The following ZNF862 variants were observed in gnomAD, a reference collection of about 807,000 sequenced individuals.
The protein encoded by ZNF862 is zinc finger protein 862.
ZNF862 carries 64 observed loss-of-function variants against 91.1 expected under a neutral mutation model. That is an observed-to-expected ratio of 0.70 (90% CI 0.57 to 0.87). The LOEUF is 0.87. Among genes scored for constraint, ZNF862 ranks in the 40% least tolerant of loss-of-function variants. The probability of loss-of-function intolerance (pLI) is 0.00; values close to 1 mark genes in which losing one functional copy is unlikely to be tolerated. For missense variants in ZNF862, 1,459 were observed against 1,528.0 expected (o/e 0.95, Z 0.75); for synonymous variants, 631 against 618.1 (o/e 1.02, Z -0.31).
chr7:149,861,880 T>G lies in ZNF862; in HGVS notation c.2720T>G (p.Leu907Trp), dbSNP rs1563127304. 1 of 1,613,512 alleles carries G rather than the reference T, an allele frequency of 6.2e-7. No homozygotes were observed. The highest frequency in any genetic ancestry group is 8.5e-7 in the Non-Finnish European group (1 of 1,179,882). The change falls in exon 7 of 8, where the codon TTG becomes TGG. Residue 907 changes from leucine to tryptophan, a missense_variant. By Grantham distance (61) the Leu-to-Trp change is moderately conservative. Transcript: ENST00000223210. This position sits in a 1 kb window ranked among gnomAD's most constrained non-coding sequence, Gnocchi z 6.7. ...GATGGGCGGCTCCACGGCATCTGCT[T>G]GGACAAACTGGAGGTAGCGGAACAG... is the stretch of plus-strand genomic sequence containing the variant. Reference protein sequence around the residue: ...FKDGRLHGICLDKLEVAEQRF... With the variant: ...FKDGRLHGICWDKLEVAEQRF...
intron 3 of ZNF862, 56 bp downstream of exon 3, chr7:149,846,311 A>C: frequency 1.4e-6 from 2 of 1,396,674 alleles, no homozygotes; most frequent in Admixed American, 3.6e-5. Context: ...GAGCATGGGC[A>C]GCCCCAGGAC....
rs1802457011 is a variant in ZNF862 at position 149,860,973 on chromosome 7, T to A, written c.1813T>A (p.Tyr605Asn). The change falls in exon 7 of 8, where the codon TAC becomes AAC. Residue 605 changes from tyrosine (Y) to asparagine (N), a missense_variant. Physicochemically the swap from Tyr to Asn is moderately radical, Grantham distance 143. Coordinates refer to ENST00000223210, the MANE Select transcript of ZNF862 (RefSeq NM_001099220.3). ...NRTACTQFIK[Y>N]ISETLKREIL... ...CACGGCGTGCACTCAGTTCATCAAG[T>A]ACATCTCAGAGACCCTGAAGAGGGA... 6.2e-7 allele frequency: 1 copy of A among 1,613,436 alleles called. No individual in the cohort carries two copies. The highest frequency in any genetic ancestry group is 8.5e-7 in the Non-Finnish European group (1 of 1,179,790).
At chr7:149,846,129 TC>T (rs1421003810) in intron 2 of ZNF862, 21 bp from the exon 3 acceptor site, 2 of 1,519,312 alleles carry the variant, frequency 1.3e-6, no homozygotes, top group Non-Finnish European at 1.8e-6. Flanking sequence ...TCTCTCGCTC[TC>T]TTTTTTTTTT....
chr7:149,847,990 A>G lies in ZNF862; in HGVS notation c.497A>G (p.Glu166Gly). Reference sequence around the variant, plus strand: ...GCTCTGTTCTGCTCTGCTTGCCGAGAATACCCCTCCATCAGGGACAAACGG... The same window carrying G: ...GCTCTGTTCTGCTCTGCTTGCCGAGGATACCCCTCCATCAGGGACAAACGG... Reference protein sequence around the residue: ...QTALFCSACREYPSIRDKRSR... With the variant: ...QTALFCSACRGYPSIRDKRSR... Residue 166 changes from glutamate (E) to glycine (G), a missense_variant, in exon 4 of 8, where the codon GAA becomes GGA. By Grantham distance (98) the Glu-to-Gly change is moderately conservative. Coordinates refer to ENST00000223210, the MANE Select transcript of ZNF862 (RefSeq NM_001099220.3). 6.2e-7 allele frequency: 1 copy of G among 1,612,818 alleles called. No individual in the cohort carries two copies. The highest frequency in any genetic ancestry group is 8.5e-7 in the Non-Finnish European group (1 of 1,179,316).
intron 1 of ZNF862, 130 bp downstream of exon 1, chr7:149,838,765 C>T (rs1406093915): frequency 3.5e-6 from 2 of 576,066 alleles, no homozygotes; most frequent in East Asian, 3.5e-5. Context: ...CTCGCCGGCC[C>T]GCCCTCTCTT....
intron 1 of ZNF862, among the ~76,000 whole-genome samples, chr7:149,840,187 T>TAAAAAAAAAAAAAATAA: frequency 2.4e-5 from 1 of 41,246 alleles, no homozygotes; most frequent in Non-Finnish European, 4.5e-5. Context: ...GCTTAAAAAG[T>TAAAAAAAAAAAAAATAA]AAAAAAAAAA....
Position 149,866,821 on chromosome 7 carries a change from CACAGTGAGCAT to C in ZNF862, c.*2538_*2548del, listed in dbSNP as rs1157009422. 1.3e-5 allele frequency: 2 copies of C among 152,280 alleles called. No individual in the cohort carries two copies. The highest frequency in any genetic ancestry group is 4.8e-5 in the African/African-American group (2 of 41,462). The allele number at this position is 152,280 out of a possible 1,614,324, so 9.4% of individuals were successfully genotyped here. ...TCCTCATTCAGGACCCCCGTGGAAACACAGTGAGCATCCTTATCAGAGGCCCTGGCCCAGGC... is the reference window on the plus strand; with the variant it reads ...TCCTCATTCAGGACCCCCGTGGAAACCCTTATCAGAGGCCCTGGCCCAGGC... On this transcript the variant is annotated 3_prime_UTR_variant, in exon 8 of 8. Coordinates refer to ENST00000223210, the MANE Select transcript of ZNF862 (RefSeq NM_001099220.3).
chr7:149,860,505 G>C lies in ZNF862; in HGVS notation c.1345G>C (p.Glu449Gln). The C allele has an allele frequency of 6.2e-7, 1 of 1,613,972 alleles. No individual in the cohort carries two copies. The highest frequency in any genetic ancestry group is 1.7e-5 in the Admixed American group (1 of 60,026). The change falls in exon 7 of 8, where the codon GAA becomes CAA. Residue 449 changes from glutamate to glutamine, a missense_variant. Transcript: ENST00000223210. ...CTGCTGCAGTTCCAGCATTTGTGAG[G>C]AAGGAGATGGACCTAGGAGAATCAA... ...ASCCSSSICE[E>Q]GDGPRRIKRT...
chr7:149,839,016 C>CT (rs1162409741), intron 1 of ZNF862, among the ~76,000 whole-genome samples: 1 of 152,222 alleles, frequency 6.6e-6, no homozygotes, highest in Admixed American at 6.5e-5. Context: ...GGGTGGGACG[C>CT]TTGAGGGCTT....
chr7:149,864,470 A>G lies in ZNF862; in HGVS notation c.*186A>G, dbSNP rs1338410006. The G allele has an allele frequency of 1.7e-6, 1 of 600,766 alleles. No homozygotes were observed. Among genetic ancestry groups the G allele is most frequent in the African/African-American group, 1.9e-5 (1 of 54,014 alleles). 37.2% of individuals were successfully genotyped at this position (600,766 alleles called of 1,614,324 possible). A position where few individuals can be genotyped will look rare whatever the true frequency, so the allele number is the denominator to read the frequency against. On this transcript the variant is annotated 3_prime_UTR_variant, in exon 8 of 8. Coordinates refer to ENST00000223210, the MANE Select transcript of ZNF862 (RefSeq NM_001099220.3). The stretch of plus-strand genomic sequence containing the variant: ...TGCATGACCTGTTTCCTGAGGCCCC[A>G]CTCAGCACAGCCATGCCTCACAGCA...
rs753874529 is a variant in ZNF862, at chr7:149,848,431, A to G, written c.938A>G (p.Gln313Arg). 2.6e-6 allele frequency: 4 copies of G among 1,515,030 alleles called. No individual in the cohort carries two copies. The highest frequency in any genetic ancestry group is 4.7e-5 in the East Asian group (2 of 42,498). 93.8% of individuals were successfully genotyped at this position (1,515,030 alleles called of 1,614,324 possible). A position where few individuals can be genotyped will look rare whatever the true frequency, so the allele number is the denominator to read the frequency against. Residue 313 changes from glutamine (Q) to arginine (R), a missense_variant and splice_region_variant, in exon 4 of 8, where the codon CAG becomes CGG. Transcript: ENST00000223210. Reference protein sequence around the residue: ...LYNDAVESCIQDPSAEGLSEE... With the variant: ...LYNDAVESCIRDPSAEGLSEE... ...AATGATGCAGTAGAATCCTGCATTC[A>G]GGTAATACGTTTATAATGATTGCTG...
intron 6 of ZNF862, 63 bp downstream of exon 6, chr7:149,859,589 C>A: frequency 3.0e-6 from 4 of 1,335,132 alleles, no homozygotes; most frequent in South Asian, 2.8e-5. Flanking sequence ...TATGATGAGT[C>A]AAACAGCATG....
In ZNF862 at chr7:149,866,173, C is replaced by T. The variant is rs183566876; in HGVS notation, c.*1889C>T. The T allele has an allele frequency of 2.6e-5, 4 of 152,380 alleles. No homozygotes were observed. The highest frequency in any genetic ancestry group is 1.9e-4 in the East Asian group (1 of 5,162). 9.4% of individuals were successfully genotyped at this position (152,380 alleles called of 1,614,324 possible). A position where few individuals can be genotyped will look rare whatever the true frequency, so the allele number is the denominator to read the frequency against. On this transcript the variant is annotated 3_prime_UTR_variant, in exon 8 of 8. Transcript: ENST00000223210. Reference sequence around the variant, plus strand: ...TTCCTTTCTTGCTTTCTGCCTTTGACCTGTGGAAATGTCTCCCAGCCCTGT... The same window carrying T: ...TTCCTTTCTTGCTTTCTGCCTTTGATCTGTGGAAATGTCTCCCAGCCCTGT...
chr7:149,849,894 C>T (rs1026869944), intron 4 of ZNF862, among the ~76,000 whole-genome samples: 2 of 152,216 alleles, frequency 1.3e-5, no homozygotes, highest in Non-Finnish European at 2.9e-5. Context: ...GTGAGAGGCT[C>T]TGCCCAGCTG....
At position 149,850,747 on chromosome 7, in the gene ZNF862, A is replaced by G. The variant is rs1802045279; in HGVS notation, c.1117+409A>G. 6.1e-6 allele frequency: 1 copy of G among 165,128 alleles called. No homozygotes were observed. The highest frequency in any genetic ancestry group is 5.5e-5 in the Admixed American group (1 of 18,098). 10.2% of individuals were successfully genotyped at this position (165,128 alleles called of 1,614,324 possible). ...AGAAGAGGGATTTGATTTCCTGGGC[A>G]TTGGTGGGAGGAATCAGGAAGCCTT... On this transcript the variant is annotated intron_variant, in intron 5 of 7. Transcript: ENST00000223210. This position sits in a 1 kb window ranked among gnomAD's most constrained non-coding sequence, Gnocchi z 4.2.
intron 1 of ZNF862, chr7:149,841,470 C>A: frequency 1.0e-6 from 1 of 976,182 alleles, no homozygotes; most frequent in Non-Finnish European, 1.2e-6. Context: ...TTCTCATGTT[C>A]ATTTATTTAT....
intron 1 of ZNF862, chr7:149,840,799 A>G (rs557740864): frequency 3.8e-6 from 1 of 260,748 alleles, no homozygotes; most frequent in Admixed American, 6.5e-5. Context: ...TAGCCTAGAT[A>G]TGTAGTAGGC....
chr7:149,859,754 C>G (rs147431421), intron 6 of ZNF862: 2 of 507,832 alleles, frequency 3.9e-6, no homozygotes, highest in African/African-American at 4.0e-5. Context: ...AGCAGAAGTA[C>G]TGATGGAGGC....
At position 149,846,066 on chromosome 7, in the gene ZNF862, A is replaced by G. The variant is rs1356779610; in HGVS notation, c.137-85A>G. ...CCATGCCGAGAGATGTCGCAGACAG[A>G]TACCTCCTTCGTGTTGTGACCCGGA... On this transcript the variant is annotated intron_variant, in intron 2 of 7. Transcript: ENST00000223210. 4 of 942,868 alleles carry G rather than the reference A, an allele frequency of 4.2e-6. No homozygotes were observed. The Admixed American group carries it at 6.4e-5, about 15-fold the overall frequency. 58.4% of individuals were successfully genotyped at this position (942,868 alleles called of 1,614,324 possible).
Sources: allele counts gnomAD v4.1 joint callset (sites outside exome capture counted in the v4.1 genomes callset), GRCh38; gene constraint gnomAD v4.1.1; non-coding constraint Gnocchi (gnomAD v3.1); transcripts MANE v1.5; gene names NCBI Gene and HGNC (gene_info 2026-07-23, HGNC 2026-07-21).